The following LPA variants were observed in gnomAD, a reference collection of about 807,000 sequenced individuals.
The protein encoded by LPA is apolipoprotein(a).
Under a neutral mutation model 197.9 loss-of-function variants are expected in LPA, and 199 were observed. That is an observed-to-expected ratio of 1.01 (90% confidence interval 0.90 to 1.13). The LOEUF (loss-of-function observed/expected upper bound fraction) is 1.13, where lower values mean the gene tolerates loss of function less well. Among genes scored for constraint, LPA ranks in the 50% most tolerant of loss-of-function variants. LPA has a pLI of 0.00. For synonymous variants in LPA, 715 were observed against 639.5 expected (o/e 1.12, Z -1.78); for missense variants, 1,853 against 1,785.8 (o/e 1.04, Z -0.68).
At chr6:160,532,892 T>C (rs1029415990) in intron 37 of LPA, among the ~76,000 whole-genome samples, 1 of 152,238 alleles carries the variant, frequency 6.6e-6, no homozygotes, top group Non-Finnish European at 1.5e-5. Flanking sequence ...GGGTTGGTTG[T>C]TGTTTGTGTA....
At chr6:160,534,274 C>T (rs894374295) in intron 37 of LPA, among the ~76,000 whole-genome samples, 1 of 152,226 alleles carries the variant, frequency 6.6e-6, no homozygotes, top group Non-Finnish European at 1.5e-5. Flanking sequence ...AGTTAGGTGT[C>T]ACTGCTCTCA....
At chr6:160,550,793 C>A (rs550986442) in intron 30 of LPA, among the ~76,000 whole-genome samples, 1 of 152,312 alleles carries the variant, frequency 6.6e-6, no homozygotes, top group Admixed American at 6.5e-5. Flanking sequence ...ACATAATGTT[C>A]ATTTTTGTTA....
At chr6:160,610,177 AG>A (rs1433907468) in intron 16 of LPA, among the ~76,000 whole-genome samples, 1 of 152,070 alleles carries the variant, frequency 6.6e-6, no homozygotes, top group African/African-American at 2.4e-5. Context: ...TTCTACACGT[AG>A]TCAAATTTTT....
In LPA at chr6:160,578,150, T is replaced by C. The variant is rs193039474; in HGVS notation, c.4471+373A>G. Among the ~76,000 whole-genome samples, 12 of 152,274 alleles carry C rather than the reference T, an allele frequency of 7.9e-5. No homozygotes were observed. The East Asian group carries it at 2.3e-3, about 29-fold the overall frequency. ...AGAAACTGCAAACTGTAGATTGCAA[T>C]GAAAAAAGTCTACTTTAAATCACTG... On this transcript the variant is annotated intron_variant, in intron 27 of 38. Transcript: ENST00000316300.
intron 7 of LPA, among the ~76,000 whole-genome samples, chr6:160,634,814 C>G (rs1235465258): frequency 6.7e-6 from 1 of 150,290 alleles, no homozygotes; most frequent in African/African-American, 2.5e-5. Flanking sequence ...GAATCACACA[C>G]CTGACAGCAC....
At chr6:160,571,724 C>G (rs991165356) in intron 28 of LPA, among the ~76,000 whole-genome samples, 1 of 152,212 alleles carries the variant, frequency 6.6e-6, no homozygotes. Flanking sequence ...TACCCCTCCT[C>G]CCACCAAGCT....
chr6:160,533,133 G>A (rs1315071581), intron 37 of LPA, among the ~76,000 whole-genome samples: 1 of 152,098 alleles, frequency 6.6e-6, no homozygotes, highest in African/African-American at 2.4e-5. Flanking sequence ...AGGAGTGACT[G>A]CTTAATGGGC....
intron 28 of LPA, among the ~76,000 whole-genome samples, chr6:160,571,312 AT>A (rs1260157978): frequency 1.3e-5 from 2 of 152,324 alleles, no homozygotes; most frequent in East Asian, 3.9e-4. Flanking sequence ...GTGTTAGAAC[AT>A]GCTCCTTTAG....
intron 28 of LPA, among the ~76,000 whole-genome samples, chr6:160,573,969 A>G (rs1291641594): frequency 6.6e-5 from 10 of 152,020 alleles, no homozygotes; most frequent in Non-Finnish European, 1.3e-4. Context: ...CAAAGATTAT[A>G]TGCTCTTTGT....
At chr6:160,595,325 G>A (rs199578279) in intron 21 of LPA, 29 bp downstream of exon 21, 2 of 1,609,862 alleles carry the variant, frequency 1.2e-6, no homozygotes, top group Non-Finnish European at 1.7e-6. Context: ...ACGTCCTAGG[G>A]TGTGGTTGTC....
intron 28 of LPA, among the ~76,000 whole-genome samples, chr6:160,576,454 G>A (rs1171760789): frequency 2.3e-5 from 3 of 130,782 alleles, no homozygotes; most frequent in African/African-American, 8.3e-5. Flanking sequence ...ACATATATTT[G>A]TGTGTGTAAA....
At position 160,606,495 on chromosome 6, in the gene LPA, C is replaced by A. The variant is rs1251786221; in HGVS notation, c.2767G>T (p.Glu923Ter). 1 of 1,613,504 alleles carries A rather than the reference C, an allele frequency of 6.2e-7. No individual in the cohort carries two copies. The highest frequency in any genetic ancestry group is 8.5e-7 in the Non-Finnish European group (1 of 1,179,854). ...PPTITPIPSL[E>*]APSEQAPTEQ... ...TCCTTACCTTGTTCAGAAGGAGCCT[C>A]TAGGCTTGGAATCGGGGTAATAGTT... Residue 923 changes from glutamate to a stop codon, truncating the protein, a stop_gained, in exon 17 of 39, where the codon GAG becomes TAG. Transcript: ENST00000316300. LOFTEE classifies it high-confidence loss of function.
intron 25 of LPA, among the ~76,000 whole-genome samples, chr6:160,585,921 C>T (rs576666779): frequency 8.5e-5 from 13 of 152,066 alleles, no homozygotes; most frequent in Non-Finnish European, 1.6e-4. Context: ...GGAAGGCATG[C>T]CCAAGATGAA....
chr6:160,656,991 TG>T (rs1172148240), intron 1 of LPA, among the ~76,000 whole-genome samples: 2 of 152,220 alleles, frequency 1.3e-5, no homozygotes, highest in Non-Finnish European at 2.9e-5. Flanking sequence ...TTGCCTCTGC[TG>T]TCTATTATGG....
chr6:160,641,145 C>A (rs1407599624), intron 4 of LPA, among the ~76,000 whole-genome samples: 1 of 122,204 alleles, frequency 8.2e-6, no homozygotes, highest in African/African-American at 3.4e-5. Context: ...AGAGTATTCT[C>A]CTTCTGCCTT....
At chr6:160,661,082 C>T (rs1461464909) in intron 1 of LPA, among the ~76,000 whole-genome samples, 7 of 152,176 alleles carry the variant, frequency 4.6e-5, no homozygotes, top group African/African-American at 1.7e-4. Flanking sequence ...TGTCCTGAGG[C>T]TCCTTAGGAC....
intron 25 of LPA, among the ~76,000 whole-genome samples, chr6:160,585,736 A>G (rs565244445): frequency 1.4e-4 from 21 of 152,262 alleles, no homozygotes; most frequent in African/African-American, 4.6e-4. Flanking sequence ...GAGAAGGAGT[A>G]CAGGCCAAAA....
rs774722544 is a variant in LPA at position 160,541,132 on chromosome 6, G to A, written c.5569C>T (p.Leu1857=). 101 of 1,614,084 alleles carry A rather than the reference G, an allele frequency of 6.3e-5. 1 individual carries two copies. In the East Asian group the frequency reaches 6.5e-4, roughly 10 times the overall value. Residue 1857 remains leucine (L), a synonymous_variant, in exon 35 of 39, where the codon CTG becomes TTG. Transcript: ENST00000316300. ...GGTLISPEWV[L]TAAHCLKKSS... is the part of the protein sequence containing the mutation. ...TTCTTCAAGCAGTGAGCAGCAGTCA[G>A]CACCCACTCTGGGGATATTAAGGTG...
rs1425947941 is a variant in LPA, at chr6:160,531,493, A to G, written c.*236T>C. 1 of 548,150 alleles carries G rather than the reference A, an allele frequency of 1.8e-6. No individual in the cohort carries two copies. The allele number at this position is 548,150 out of a possible 1,614,324, so 34.0% of individuals were successfully genotyped here. On this transcript the variant is annotated 3_prime_UTR_variant, in exon 39 of 39. Transcript: ENST00000316300. ...AAAACCAAAATTAATTCAAATCAAA[A>G]TAAGTGCAGAGTTTATTTTTAACAA...
Sources: allele counts gnomAD v4.1 joint callset (sites outside exome capture counted in the v4.1 genomes callset), GRCh38; gene constraint gnomAD v4.1.1; transcripts MANE v1.5; gene names NCBI Gene and HGNC (gene_info 2026-07-23, HGNC 2026-07-21).